Variants in EHBP1 observed in about 807,000 individuals in gnomAD.
The protein encoded by EHBP1 is EH domain binding protein 1.
In EHBP1, 55 loss-of-function variants were observed where a neutral mutation model predicts 144.0. That is an observed-to-expected ratio of 0.38 (90% CI 0.31 to 0.48). EHBP1 has a LOEUF of 0.48. Among genes scored for constraint, EHBP1 ranks in the 20% least tolerant of loss-of-function variants. EHBP1 has a pLI of 0.98. For missense variants in EHBP1, 1,200 were observed against 1,364.2 expected (o/e 0.88, Z 1.90); for synonymous variants, 469 against 472.7 (o/e 0.99, Z 0.10).
intron 19 of EHBP1, among the ~76,000 whole-genome samples, chr2:63,021,791 G>C (rs1233235057): frequency 6.6e-6 from 1 of 151,552 alleles, no homozygotes; most frequent in Admixed American, 6.6e-5. Flanking sequence ...TTTTAAAACG[G>C]AGTCTCACAC....
chr2:62,835,994 C>G (rs1343593859), intron 7 of EHBP1, among the ~76,000 whole-genome samples: 2 of 151,812 alleles, frequency 1.3e-5, no homozygotes, highest in East Asian at 3.9e-4. Flanking sequence ...CCCACCACAG[C>G]TCAAGGAGGC....
At chr2:62,834,508 G>T (rs976232508) in intron 7 of EHBP1, among the ~76,000 whole-genome samples, 2 of 152,176 alleles carry the variant, frequency 1.3e-5, no homozygotes, top group African/African-American at 4.8e-5. Context: ...TCAGATGATT[G>T]TTAGCATTTT....
intron 10 of EHBP1, among the ~76,000 whole-genome samples, chr2:62,900,945 G>A (rs2053367573): frequency 6.6e-6 from 1 of 152,072 alleles, no homozygotes. Flanking sequence ...AGTTTATATG[G>A]TAAGTAGCCA....
chr2:63,036,859 G>A (rs1446386331), intron 19 of EHBP1, among the ~76,000 whole-genome samples: 3 of 151,824 alleles, frequency 2.0e-5, no homozygotes, highest in Admixed American at 1.3e-4. Context: ...AGTATCTCCT[G>A]TGTACAATCA....
At chr2:62,989,779 AT>A (rs969476522) in intron 15 of EHBP1, among the ~76,000 whole-genome samples, 2 of 151,984 alleles carry the variant, frequency 1.3e-5, no homozygotes, top group East Asian at 1.9e-4. Flanking sequence ...TCCTTGCTTT[AT>A]TTTCCCCCCA....
chr2:62,980,395 C>T (rs928154410), intron 15 of EHBP1, among the ~76,000 whole-genome samples: 3 of 152,124 alleles, frequency 2.0e-5, no homozygotes, highest in African/African-American at 7.2e-5. Flanking sequence ...CCTGTTAGGC[C>T]AGGTTCTTAA....
At chr2:63,020,931 G>T (rs1238953687) in intron 19 of EHBP1, among the ~76,000 whole-genome samples, 1 of 150,072 alleles carries the variant, frequency 6.7e-6, no homozygotes, top group Non-Finnish European at 1.5e-5. Flanking sequence ...ACCTGCCTTG[G>T]CCTCCCAAAG....
At chr2:63,030,453 C>T (rs910957603) in intron 19 of EHBP1, among the ~76,000 whole-genome samples, 1 of 151,856 alleles carries the variant, frequency 6.6e-6, no homozygotes, top group African/African-American at 2.4e-5. Flanking sequence ...TCTTAAAATA[C>T]ATTAACCTAG....
At chr2:62,730,141 G>GA (rs1388072637) in intron 2 of EHBP1, among the ~76,000 whole-genome samples, 9 of 152,002 alleles carry the variant, frequency 5.9e-5, no homozygotes, top group Non-Finnish European at 1.2e-4. Flanking sequence ...TGAATTTACA[G>GA]AAAAATTAAG....
chr2:62,782,981 G>T (rs1365454229), intron 5 of EHBP1, among the ~76,000 whole-genome samples: 1 of 152,168 alleles, frequency 6.6e-6, no homozygotes, highest in Admixed American at 6.6e-5. Context: ...AAGCAAGTTA[G>T]TTACTTCTCA....
intron 5 of EHBP1, among the ~76,000 whole-genome samples, chr2:62,819,922 A>T (rs1340401648): frequency 6.6e-6 from 1 of 152,092 alleles, no homozygotes; most frequent in Non-Finnish European, 1.5e-5. Context: ...TAAGAACATG[A>T]TGTTGAGGCT....
intron 5 of EHBP1, among the ~76,000 whole-genome samples, chr2:62,802,420 C>T (rs949545991): frequency 4.6e-5 from 7 of 152,164 alleles, no homozygotes; most frequent in African/African-American, 1.4e-4. Flanking sequence ...GCCAGTAGAG[C>T]TATTGCTCAG....
chr2:62,891,679 A>G (rs1049118226), intron 10 of EHBP1, among the ~76,000 whole-genome samples: 2 of 152,062 alleles, frequency 1.3e-5, no homozygotes, highest in African/African-American at 2.4e-5. Flanking sequence ...ATTAATATAT[A>G]TATTATATAT....
intron 14 of EHBP1, among the ~76,000 whole-genome samples, chr2:62,959,328 A>C (rs1393627548): frequency 6.6e-6 from 1 of 152,200 alleles, no homozygotes; most frequent in Non-Finnish European, 1.5e-5. Context: ...ATAATGCTGC[A>C]GTGAACATAG....
intron 13 of EHBP1, among the ~76,000 whole-genome samples, chr2:62,949,511 C>T (rs2057266204): frequency 1.3e-5 from 2 of 151,768 alleles, no homozygotes; most frequent in Non-Finnish European, 2.9e-5. Context: ...TGTAATAAGG[C>T]TATGAGAAAA....
At chr2:62,705,064 A>T (rs1473648911), upstream of EHBP1, among the ~76,000 whole-genome samples, 1 of 152,042 alleles carries the variant, frequency 6.6e-6, no homozygotes, top group East Asian at 1.9e-4. Flanking sequence ...ATTCAATCCC[A>T]CTGAAGACCA....
chr2:62,878,383 CAT>C (rs1301088227), intron 10 of EHBP1, among the ~76,000 whole-genome samples: 1 of 152,030 alleles, frequency 6.6e-6, no homozygotes, highest in Non-Finnish European at 1.5e-5. Context: ...TTCTACCAGA[CAT>C]ATAAAGAAGA....
At chr2:62,787,464 G>A (rs2042898122) in intron 5 of EHBP1, among the ~76,000 whole-genome samples, 1 of 131,132 alleles carries the variant, frequency 7.6e-6, no homozygotes, top group East Asian at 2.2e-4. Context: ...TGTCTATATT[G>A]AAGAAAGCCT....
intron 5 of EHBP1, among the ~76,000 whole-genome samples, chr2:62,773,850 CAAAAAAAA>C (rs570715468): frequency 4.8e-5 from 2 of 41,540 alleles, no homozygotes; most frequent in Non-Finnish European, 8.2e-5. Flanking sequence ...GACTCCATCT[CAAAAAAAA>C]AAAAAAAAAA....
Sources: gnomAD v4.1 joint callset for allele counts (sites outside exome capture counted in the v4.1 genomes callset) on GRCh38, gnomAD v4.1.1 for gene constraint, MANE v1.5 for transcripts, NCBI Gene and HGNC (gene_info 2026-07-23, HGNC 2026-07-21) for gene names.